The following ST6GALNAC3 variants were observed in gnomAD, a reference collection of about 807,000 sequenced individuals.
The protein encoded by ST6GALNAC3 is ST6 N-acetylgalactosaminide alpha-2,6-sialyltransferase 3, also known as alpha-N-acetylgalactosaminide alpha-2,6-sialyltransferase 3.
A neutral mutation model predicts 32.7 loss-of-function variants in ST6GALNAC3; 25 were observed. The ratio of observed to expected loss-of-function variants is 0.76; its 90% CI spans 0.56 to 1.07. The LOEUF is 1.07. ST6GALNAC3 is among the 50% of genes least tolerant of loss of function. The pLI is 0.00. For missense variants in ST6GALNAC3, 355 were observed against 382.4 expected, an observed-to-expected ratio of 0.93 and a Z score of 0.60; for synonymous variants, 129 against 133.1, an observed-to-expected ratio of 0.97 and a Z score of 0.21.
At chr1:76,366,775 A>G (rs577290793) in intron 2 of ST6GALNAC3, among the ~76,000 whole-genome samples, 73 of 152,218 alleles carry the variant, frequency 4.8e-4, no homozygotes, top group Admixed American at 1.5e-3. Flanking sequence ...AAATAGCACC[A>G]TTGCTAGGCA....
At chr1:76,192,102 C>T (rs1653932525) in intron 1 of ST6GALNAC3, among the ~76,000 whole-genome samples, 1 of 151,972 alleles carries the variant, frequency 6.6e-6, no homozygotes, top group Admixed American at 6.6e-5. Flanking sequence ...GAAGAAGTAC[C>T]CAACATTGAT....
At chr1:76,545,993 G>T (rs1664277064) in intron 3 of ST6GALNAC3, among the ~76,000 whole-genome samples, 1 of 152,152 alleles carries the variant, frequency 6.6e-6, no homozygotes, top group African/African-American at 2.4e-5. Flanking sequence ...AACTGAGGTT[G>T]AACAATGAGC....
At chr1:76,481,706 A>C (rs1033624376) in intron 3 of ST6GALNAC3, among the ~76,000 whole-genome samples, 1 of 152,194 alleles carries the variant, frequency 6.6e-6, no homozygotes, top group African/African-American at 2.4e-5. Flanking sequence ...TTAAACAACA[A>C]GATGATGTTT....
At chr1:76,471,306 G>A (rs1278082091) in intron 3 of ST6GALNAC3, among the ~76,000 whole-genome samples, 1 of 152,044 alleles carries the variant, frequency 6.6e-6, no homozygotes, top group African/African-American at 2.4e-5. Context: ...ACTGTCTATA[G>A]CACTTAACAT....
At chr1:76,274,437 C>G (rs1242505060) in intron 1 of ST6GALNAC3, among the ~76,000 whole-genome samples, 1 of 152,158 alleles carries the variant, frequency 6.6e-6, no homozygotes, top group Non-Finnish European at 1.5e-5. Flanking sequence ...CTCCCAATCT[C>G]CTGTAATTCA....
At chr1:76,150,787 C>T (rs1026361700) in intron 1 of ST6GALNAC3, among the ~76,000 whole-genome samples, 4 of 152,278 alleles carry the variant, frequency 2.6e-5, no homozygotes, top group Middle Eastern at 3.4e-3. Flanking sequence ...AGAGATTTCT[C>T]CTGCTGTGAT....
intron 3 of ST6GALNAC3, among the ~76,000 whole-genome samples, chr1:76,486,838 T>C (rs1160001446): frequency 6.6e-6 from 1 of 152,258 alleles, no homozygotes; most frequent in Non-Finnish European, 1.5e-5. Context: ...CTTTACAATT[T>C]GGCATGTTTC....
intron 1 of ST6GALNAC3, among the ~76,000 whole-genome samples, chr1:76,205,843 A>AGG (rs1553165233): frequency 6.6e-6 from 1 of 151,784 alleles, no homozygotes; most frequent in African/African-American, 2.4e-5. Flanking sequence ...AGGGATGTTA[A>AGG]AGATTAGACC....
At chr1:76,149,471 C>G (rs1000928891) in intron 1 of ST6GALNAC3, among the ~76,000 whole-genome samples, 3 of 152,124 alleles carry the variant, frequency 2.0e-5, no homozygotes, top group Non-Finnish European at 4.4e-5. Context: ...GCCCCACCAG[C>G]TTTATTGAGG....
chr1:76,564,447 ACTGCAACCTTCAC>A (rs1190429642), intron 3 of ST6GALNAC3, among the ~76,000 whole-genome samples: 1 of 152,202 alleles, frequency 6.6e-6, no homozygotes, highest in African/African-American at 2.4e-5. Flanking sequence ...ACAGCAAATG[ACTGCAACCTTCAC>A]AGCCAGGCCA....
chr1:76,379,970 C>T (rs12145151), intron 2 of ST6GALNAC3, among the ~76,000 whole-genome samples: 1,668 of 152,138 alleles, frequency 0.011, 9 homozygotes, highest in Non-Finnish European at 0.017. Context: ...CTAATTGGTT[C>T]CGACAATGCA....
chr1:76,432,330 T>C (rs1655813851), intron 3 of ST6GALNAC3, among the ~76,000 whole-genome samples: 1 of 152,122 alleles, frequency 6.6e-6, no homozygotes, highest in Non-Finnish European at 1.5e-5. Flanking sequence ...TAAATATCTG[T>C]GTGCAGGTTT....
intron 3 of ST6GALNAC3, among the ~76,000 whole-genome samples, chr1:76,584,258 T>G (rs759306566): frequency 1.3e-5 from 2 of 152,210 alleles, no homozygotes; most frequent in African/African-American, 2.4e-5. Flanking sequence ...ATGTCAAATA[T>G]CTATCCCAGG....
intron 3 of ST6GALNAC3, among the ~76,000 whole-genome samples, chr1:76,586,776 G>A (rs1646968138): frequency 6.6e-6 from 1 of 152,126 alleles, no homozygotes; most frequent in Admixed American, 6.6e-5. Context: ...TACCGTCTTT[G>A]TCAAAGTCAG....
At chr1:76,238,680 G>A (rs1034245072) in intron 1 of ST6GALNAC3, among the ~76,000 whole-genome samples, 1 of 151,972 alleles carries the variant, frequency 6.6e-6, no homozygotes, top group Admixed American at 6.6e-5. Context: ...GGGGAGAGGG[G>A]GCTTTTATTA....
chr1:76,495,079 G>A lies in ST6GALNAC3; in HGVS notation c.623+82662G>A, dbSNP rs1660770127. ...TGAGGCATCCCCCACATTAGGAAGG[G>A]CAATCTGCTTTACTCAGTCTACTGA... On this transcript the variant is annotated intron_variant, in intron 3 of 4. Coordinates refer to ENST00000328299, the MANE Select transcript of ST6GALNAC3 (RefSeq NM_152996.4). Among the ~76,000 whole-genome samples, 4 of 151,998 alleles carry A rather than the reference G, an allele frequency of 2.6e-5. No individual in the cohort carries two copies. The South Asian group carries it at 8.3e-4, about 32-fold the overall frequency.
At chr1:76,312,151 C>T (rs915128947) in intron 1 of ST6GALNAC3, among the ~76,000 whole-genome samples, 1 of 125,486 alleles carries the variant, frequency 8.0e-6, no homozygotes, top group Non-Finnish European at 1.8e-5. Context: ...TGACCTTTGA[C>T]AAACCTGACA....
At chr1:76,374,188 G>A (rs1354968746) in intron 2 of ST6GALNAC3, among the ~76,000 whole-genome samples, 1 of 152,152 alleles carries the variant, frequency 6.6e-6, no homozygotes, top group African/African-American at 2.4e-5. Flanking sequence ...GCAAACATTA[G>A]CTAATTAAGA....
rs1334671052 is a variant in ST6GALNAC3 at position 76,633,554 on chromosome 1, T to C, written c.*4748T>C. The C allele has an allele frequency of 6.6e-6, 1 of 152,178 alleles. No individual in the cohort carries two copies. The highest frequency in any genetic ancestry group is 1.5e-5 in the Non-Finnish European group (1 of 68,018). The allele number at this position is 152,178 out of a possible 1,614,324, so 9.4% of individuals were successfully genotyped here. A position where few individuals can be genotyped will look rare whatever the true frequency, so the allele number is the denominator to read the frequency against. Reference sequence around the variant, plus strand: ...CATTGATACACCAAGAGCTGCTGAGTGTTGGAGGTTGCCTGGTGAAACTGG... The same window carrying C: ...CATTGATACACCAAGAGCTGCTGAGCGTTGGAGGTTGCCTGGTGAAACTGG... On this transcript the variant is annotated 3_prime_UTR_variant, in exon 5 of 5. Coordinates refer to ENST00000328299, the MANE Select transcript of ST6GALNAC3 (RefSeq NM_152996.4).
Sources: allele counts gnomAD v4.1 joint callset (sites outside exome capture counted in the v4.1 genomes callset), GRCh38; gene constraint gnomAD v4.1.1; transcripts MANE v1.5; gene names NCBI Gene and HGNC (gene_info 2026-07-23, HGNC 2026-07-21).